Variants in FSTL5 observed in about 807,000 individuals in gnomAD.
FSTL5 encodes follistatin like 5.
Under a neutral mutation model 89.1 loss-of-function variants are expected in FSTL5, and 62 were observed. The ratio of observed to expected loss-of-function variants is 0.70; its 90% CI spans 0.57 to 0.86. FSTL5 has a LOEUF of 0.86. Ranked by LOEUF, FSTL5 falls within the 40% of genes least tolerant of loss-of-function variation. The pLI, the probability that FSTL5 is intolerant of heterozygous loss-of-function variation, is 0.00. For synonymous variants in FSTL5, 383 were observed against 346.2 expected (o/e 1.11, Z -1.18); for missense variants, 1,057 against 1,001.6 (o/e 1.06, Z -0.75).
chr4:161,793,545 G>A (rs894894388), intron 4 of FSTL5, among the ~76,000 whole-genome samples: 3 of 152,032 alleles, frequency 2.0e-5, no homozygotes, highest in African/African-American at 7.2e-5. Context: ...AGAATGGATT[G>A]GAATTTTTTT....
rs186345881 is a variant in FSTL5, at chr4:162,095,406, C to A, written c.126+15865G>T. Among the ~76,000 whole-genome samples the A allele has an allele frequency of 3.0e-4, 45 of 152,158 alleles. 1 individual carries two copies. The East Asian group carries it at 8.1e-3, about 27-fold the overall frequency. On this transcript the variant is annotated intron_variant, in intron 2 of 15. Transcript: ENST00000306100. ...TGTGCATTGTGGATTTCCACAGAAGCATAATATGCAGTTTTCTCCAAATGA... is the reference window on the plus strand; with the variant it reads ...TGTGCATTGTGGATTTCCACAGAAGAATAATATGCAGTTTTCTCCAAATGA...
At chr4:161,951,568 A>G (rs930983854) in intron 3 of FSTL5, among the ~76,000 whole-genome samples, 2 of 152,118 alleles carry the variant, frequency 1.3e-5, no homozygotes, top group Non-Finnish European at 2.9e-5. Flanking sequence ...TCTTAGAAGC[A>G]GAAGTATGTA....
chr4:161,436,074 A>T (rs191748832), intron 15 of FSTL5, among the ~76,000 whole-genome samples: 106 of 151,762 alleles, frequency 7.0e-4, no homozygotes, highest in Non-Finnish European at 2.2e-4. Flanking sequence ...ATAGAGTAAA[A>T]ATTTTCCAAG....
intron 4 of FSTL5, among the ~76,000 whole-genome samples, chr4:161,841,135 T>G (rs747250484): frequency 7.9e-5 from 12 of 152,200 alleles, no homozygotes; most frequent in South Asian, 6.2e-4. Flanking sequence ...TTACTGTTAG[T>G]AGGCTCTGTT....
intron 6 of FSTL5, among the ~76,000 whole-genome samples, chr4:161,712,256 T>C (rs1264670085): frequency 6.6e-6 from 1 of 152,086 alleles, no homozygotes; most frequent in Non-Finnish European, 1.5e-5. Flanking sequence ...TATGGGTGAA[T>C]TCAATTTTAT....
chr4:161,518,295 T>C (rs1306783519), intron 10 of FSTL5, among the ~76,000 whole-genome samples: 1 of 152,098 alleles, frequency 6.6e-6, no homozygotes, highest in African/African-American at 2.4e-5. Context: ...TCATATTCTT[T>C]TGGGAGGTAA....
intron 4 of FSTL5, among the ~76,000 whole-genome samples, chr4:161,848,036 C>CAAAAAAAAAAAAAAAAAAAAAAAAAAAA (rs139315536): frequency 2.1e-5 from 1 of 48,202 alleles, no homozygotes; most frequent in African/African-American, 9.1e-5. Flanking sequence ...GACTCCGTCT[C>CAAAAAAAAAAAAAAAAAAAAAAAAAAAA]AAAAAAAAAA....
intron 4 of FSTL5, among the ~76,000 whole-genome samples, chr4:161,851,247 C>G (rs191448314): frequency 1.3e-5 from 2 of 152,130 alleles, no homozygotes; most frequent in Non-Finnish European, 2.9e-5. Context: ...TATCCTGACA[C>G]CATCTTTCTC....
chr4:161,933,838 T>G (rs1734358946), intron 3 of FSTL5, among the ~76,000 whole-genome samples: 3 of 151,878 alleles, frequency 2.0e-5, no homozygotes, highest in Admixed American at 2.0e-4. Flanking sequence ...TTTTAGCTGA[T>G]TTTTAAATTA....
At chr4:161,605,862 T>A (rs2126630042) in intron 7 of FSTL5, among the ~76,000 whole-genome samples, 1 of 152,340 alleles carries the variant, frequency 6.6e-6, no homozygotes, top group African/African-American at 2.4e-5. Context: ...GTCTTCTATT[T>A]TTTTGACTAT....
chr4:161,696,016 G>A (rs190304799), intron 6 of FSTL5, among the ~76,000 whole-genome samples: 20 of 152,190 alleles, frequency 1.3e-4, no homozygotes, highest in East Asian at 1.2e-3. Context: ...TGGGTTCTTC[G>A]TCATGAAATA....
At chr4:162,119,291 T>C (rs1731767351) in intron 1 of FSTL5, among the ~76,000 whole-genome samples, 1 of 151,686 alleles carries the variant, frequency 6.6e-6, no homozygotes, top group South Asian at 2.1e-4. Context: ...ACAAGAACTA[T>C]CTGCACAGAA....
rs185735844 is a variant in FSTL5 at position 161,448,072 on chromosome 4, G to A, written c.1841+6932C>T. ...AAGGTCACAATTTCAGAACTTATGC[G>A]TATTTCAATATTCACTTTTTGAGAG... is the stretch of plus-strand genomic sequence containing the variant. On this transcript the variant is annotated intron_variant, in intron 15 of 15. Coordinates refer to ENST00000306100, the MANE Select transcript of FSTL5 (RefSeq NM_020116.5). Among the ~76,000 whole-genome samples, 128 of 152,096 alleles carry A rather than the reference G, an allele frequency of 8.4e-4. 1 individual carries two copies. Among genetic ancestry groups the A allele is most frequent in the Non-Finnish European group, 1.1e-3 (75 of 67,952 alleles).
chr4:161,856,286 G>A (rs930156173), intron 4 of FSTL5, among the ~76,000 whole-genome samples: 2 of 151,892 alleles, frequency 1.3e-5, no homozygotes, highest in African/African-American at 4.8e-5. Context: ...CATAGAGGTG[G>A]GCAAATGTGT....
At chr4:161,874,010 A>G (rs1176487834) in intron 4 of FSTL5, among the ~76,000 whole-genome samples, 2 of 152,054 alleles carry the variant, frequency 1.3e-5, no homozygotes, top group African/African-American at 4.8e-5. Flanking sequence ...GCATTCTTGC[A>G]TATTTCTCTT....
intron 15 of FSTL5, among the ~76,000 whole-genome samples, chr4:161,422,754 C>T (rs993389001): frequency 1.3e-5 from 2 of 149,092 alleles, no homozygotes; most frequent in African/African-American, 5.2e-5. Flanking sequence ...CTTTATTTTT[C>T]TGAGATAAAT....
At chr4:161,423,380 CTGACTGAGTCTTTAA>C (rs6148752) in intron 15 of FSTL5, among the ~76,000 whole-genome samples, 12,213 of 152,182 alleles carry the variant, frequency 0.08, 672 homozygotes, top group East Asian at 0.28. Flanking sequence ...AAAGTAACAA[CTGACTGAGTCTTTAA>C]TGAGAAAAAT....
At chr4:161,659,180 T>C (rs1026271473) in intron 6 of FSTL5, among the ~76,000 whole-genome samples, 3 of 152,194 alleles carry the variant, frequency 2.0e-5, no homozygotes, top group Non-Finnish European at 4.4e-5. Flanking sequence ...TACTTTTTCA[T>C]GTTATGGCTA....
At chr4:161,477,635 G>T in intron 13 of FSTL5, among the ~76,000 whole-genome samples, 1 of 131,254 alleles carries the variant, frequency 7.6e-6, no homozygotes, top group African/African-American at 2.8e-5. Flanking sequence ...TTATAATTCA[G>T]GTCTATCTCT....
Sources: gnomAD v4.1 joint callset for allele counts (sites outside exome capture counted in the v4.1 genomes callset) on GRCh38, gnomAD v4.1.1 for gene constraint, MANE v1.5 for transcripts, NCBI Gene and HGNC (gene_info 2026-07-23, HGNC 2026-07-21) for gene names.